SNTG1: variants seen among roughly 807,000 people sequenced by gnomAD.
SNTG1 encodes the protein syntrophin gamma 1.
In SNTG1, 39 loss-of-function variants were observed where a neutral mutation model predicts 74.7. The ratio of observed to expected loss-of-function variants is 0.52; its 90% CI spans 0.40 to 0.68. SNTG1 has a LOEUF of 0.68. Among genes scored for constraint, SNTG1 ranks in the 30% least tolerant of loss-of-function variants. The pLI, the probability that SNTG1 is intolerant of heterozygous loss-of-function variation, is 0.00. For synonymous variants in SNTG1, 254 were observed against 217.1 expected (o/e 1.17, Z -1.49); for missense variants, 685 against 609.5 (o/e 1.12, Z -1.30).
intron 9 of SNTG1, among the ~76,000 whole-genome samples, chr8:50,517,068 G>A (rs921171782): frequency 6.6e-6 from 1 of 152,084 alleles, no homozygotes; most frequent in Non-Finnish European, 1.5e-5. Flanking sequence ...ACCAACAAAG[G>A]GAAGCCCATC....
chr8:49,984,825 A>G (rs897720684), intron 1 of SNTG1, among the ~76,000 whole-genome samples: 2 of 152,148 alleles, frequency 1.3e-5, no homozygotes, highest in Non-Finnish European at 2.9e-5. Flanking sequence ...ATTCCCCAAT[A>G]ATAGCATTAA....
intron 1 of SNTG1, among the ~76,000 whole-genome samples, chr8:50,009,067 T>C (rs1815522908): frequency 6.6e-6 from 1 of 152,128 alleles, no homozygotes; most frequent in African/African-American, 2.4e-5. Flanking sequence ...TTTTATTGAA[T>C]TTTGGATTCC....
At chr8:50,666,088 A>G (rs1031183186) in intron 15 of SNTG1, among the ~76,000 whole-genome samples, 2 of 152,172 alleles carry the variant, frequency 1.3e-5, no homozygotes, top group South Asian at 4.1e-4. Flanking sequence ...TACAAATGAA[A>G]TCTAACTAGG....
intron 1 of SNTG1, among the ~76,000 whole-genome samples, chr8:50,097,973 G>T (rs1206157402): frequency 6.6e-6 from 1 of 152,084 alleles, no homozygotes; most frequent in African/African-American, 2.4e-5. Flanking sequence ...GTCTAAAGTT[G>T]TAAATATTTA....
At chr8:50,678,593 T>G (rs1170501868) in intron 15 of SNTG1, among the ~76,000 whole-genome samples, 1 of 150,638 alleles carries the variant, frequency 6.6e-6, no homozygotes, top group Admixed American at 6.6e-5. Flanking sequence ...AATTTCATTT[T>G]TATTTGTTTT....
chr8:50,638,599 G>T (rs933486421), intron 13 of SNTG1, among the ~76,000 whole-genome samples: 3 of 152,018 alleles, frequency 2.0e-5, no homozygotes, highest in Non-Finnish European at 2.9e-5. Context: ...TTACAAAATA[G>T]TGATATATTC....
chr8:50,037,493 G>A (rs1818265162), intron 1 of SNTG1, among the ~76,000 whole-genome samples: 1 of 152,170 alleles, frequency 6.6e-6, no homozygotes, highest in South Asian at 2.1e-4. Context: ...TAGTAAGGTT[G>A]CTAATAAAAT....
intron 5 of SNTG1, among the ~76,000 whole-genome samples, chr8:50,442,974 C>A (rs2093372363): frequency 6.6e-6 from 1 of 152,186 alleles, no homozygotes. Flanking sequence ...CCCACCAACT[C>A]TTGTCTCCTT....
intron 18 of SNTG1, among the ~76,000 whole-genome samples, chr8:50,785,021 C>T (rs1344070433): frequency 6.6e-6 from 1 of 151,886 alleles, no homozygotes; most frequent in Admixed American, 6.6e-5. Flanking sequence ...GAAATCTCAT[C>T]ATGCTAAAAC....
intron 9 of SNTG1, among the ~76,000 whole-genome samples, chr8:50,511,751 TG>T (rs2094078583): frequency 6.6e-6 from 1 of 152,208 alleles, no homozygotes; most frequent in South Asian, 2.1e-4. Context: ...TGCCTTTTTT[TG>T]TTTTCCATTT....
chr8:50,594,994 T>G (rs1257290091), intron 13 of SNTG1, among the ~76,000 whole-genome samples: 1 of 149,850 alleles, frequency 6.7e-6, no homozygotes, highest in African/African-American at 2.5e-5. Context: ...GTATATTTAA[T>G]TCATGAAATT....
At chr8:50,663,550 G>T (rs557039335) in intron 15 of SNTG1, among the ~76,000 whole-genome samples, 135 of 152,096 alleles carry the variant, frequency 8.9e-4, no homozygotes, top group African/African-American at 3.2e-3. Flanking sequence ...TTCTTGCACC[G>T]CTCTGGTTTG....
At chr8:50,723,927 G>A (rs2095493732) in intron 17 of SNTG1, among the ~76,000 whole-genome samples, 1 of 152,134 alleles carries the variant, frequency 6.6e-6, no homozygotes. Flanking sequence ...ATGAGTAGGA[G>A]TAAAAAGGTT....
chr8:50,260,775 A>C (rs2087150607), intron 2 of SNTG1, among the ~76,000 whole-genome samples: 1 of 151,880 alleles, frequency 6.6e-6, no homozygotes, highest in Non-Finnish European at 1.5e-5. Context: ...TAAAAAGAAA[A>C]GCAAGAAATT....
At chr8:50,283,005 T>C (rs1432753193) in intron 2 of SNTG1, among the ~76,000 whole-genome samples, 1 of 152,122 alleles carries the variant, frequency 6.6e-6, no homozygotes, top group East Asian at 1.9e-4. Flanking sequence ...AGTAAACAAA[T>C]GGTAAATGCT....
chr8:50,718,965 CT>C (rs1306230035), intron 17 of SNTG1, among the ~76,000 whole-genome samples: 1 of 152,190 alleles, frequency 6.6e-6, no homozygotes, highest in Non-Finnish European at 1.5e-5. Context: ...ATGTACATCT[CT>C]GAGGATACTC....
chr8:50,785,383 G>A (rs573751862), intron 18 of SNTG1, among the ~76,000 whole-genome samples: 17 of 151,652 alleles, frequency 1.1e-4, no homozygotes, highest in South Asian at 2.1e-4. Flanking sequence ...AAAGAAAAAC[G>A]TAACTATAAA....
intron 2 of SNTG1, among the ~76,000 whole-genome samples, chr8:50,271,061 G>C (rs1197438881): frequency 6.6e-6 from 1 of 152,144 alleles, no homozygotes; most frequent in African/African-American, 2.4e-5. Context: ...GAGATACTCT[G>C]TACCAAATTC....
At chr8:50,771,191 A>C (rs2095626289) in intron 18 of SNTG1, among the ~76,000 whole-genome samples, 1 of 152,096 alleles carries the variant, frequency 6.6e-6, no homozygotes, top group Admixed American at 6.6e-5. Flanking sequence ...TGGGATCCTT[A>C]GGGTGATTCT....
Sources: gnomAD v4.1 joint callset for allele counts (sites outside exome capture counted in the v4.1 genomes callset) on GRCh38, gnomAD v4.1.1 for gene constraint, MANE v1.5 for transcripts, NCBI Gene and HGNC (gene_info 2026-07-23, HGNC 2026-07-21) for gene names.